The following CPNE4 variants were observed in gnomAD, a reference collection of about 807,000 sequenced individuals.
CPNE4 encodes copine-4.
Under a neutral mutation model 67.9 loss-of-function variants are expected in CPNE4, and 25 were observed. The observed-to-expected ratio is 0.37, with a 90% CI of 0.27 to 0.51. The LOEUF (loss-of-function observed/expected upper bound fraction) is 0.51. Among genes scored for constraint, CPNE4 ranks in the 20% least tolerant of loss-of-function variants. The pLI is 0.93. For synonymous variants in CPNE4, 242 were observed against 244.9 expected, an observed-to-expected ratio of 0.99 and a Z score of 0.11; for missense variants, 464 against 690.8, an observed-to-expected ratio of 0.67 and a Z score of 3.68.
At chr3:131,731,825 A>G (rs2082134997) in intron 2 of CPNE4, among the ~76,000 whole-genome samples, 1 of 152,192 alleles carries the variant, frequency 6.6e-6, no homozygotes, top group South Asian at 2.1e-4. Flanking sequence ...ATCTTGCTGT[A>G]GTTTAGTGAA....
chr3:131,932,796 T>C (rs768658123), intron 1 of CPNE4, among the ~76,000 whole-genome samples: 16 of 152,036 alleles, frequency 1.1e-4, no homozygotes, highest in African/African-American at 9.7e-5. Flanking sequence ...GGCAGGCAGA[T>C]CATCTGAGGT....
At chr3:131,799,490 T>C (rs1488885966) in intron 2 of CPNE4, among the ~76,000 whole-genome samples, 4 of 152,172 alleles carry the variant, frequency 2.6e-5, no homozygotes, top group Admixed American at 6.5e-5. Flanking sequence ...TTCTACCTAC[T>C]CTGGTGTTGT....
upstream of CPNE4, chr3:132,037,660 C>A: frequency 6.7e-7 from 1 of 1,498,168 alleles, no homozygotes; most frequent in Non-Finnish European, 9.0e-7. Flanking sequence ...CCCTGGTGTT[C>A]CCAAGTTGCA....
intron 2 of CPNE4, among the ~76,000 whole-genome samples, chr3:131,775,228 G>A (rs1156288908): frequency 6.6e-6 from 1 of 152,046 alleles, no homozygotes; most frequent in Non-Finnish European, 1.5e-5. Context: ...GAAGTGTCTG[G>A]GGCTATGAGG....
intron 2 of CPNE4, among the ~76,000 whole-genome samples, chr3:131,736,280 C>T (rs969533486): frequency 5.3e-5 from 8 of 152,164 alleles, no homozygotes; most frequent in African/African-American, 1.9e-4. Context: ...AAAAGACTTC[C>T]TCTTGAAACC....
chr3:131,595,576 T>C (rs963023285), intron 7 of CPNE4, among the ~76,000 whole-genome samples: 2 of 152,138 alleles, frequency 1.3e-5, no homozygotes, highest in Admixed American at 1.3e-4. Context: ...CTTGCAATCA[T>C]GGTGCAAGGT....
At chr3:131,886,065 A>T (rs1198919616) in intron 2 of CPNE4, among the ~76,000 whole-genome samples, 1 of 152,176 alleles carries the variant, frequency 6.6e-6, no homozygotes, top group Non-Finnish European at 1.5e-5. Flanking sequence ...TCTCCAGGAC[A>T]TGTCAGAGAT....
intron 1 of CPNE4, among the ~76,000 whole-genome samples, chr3:132,003,750 T>C (rs1160539908): frequency 6.6e-6 from 1 of 152,084 alleles, no homozygotes; most frequent in Non-Finnish European, 1.5e-5. Context: ...AGCTGATGTC[T>C]CTCTTCTCCA....
chr3:131,598,848 C>G (rs939863555), intron 7 of CPNE4, among the ~76,000 whole-genome samples: 5 of 103,926 alleles, frequency 4.8e-5, no homozygotes, highest in Admixed American at 1.6e-4. Context: ...ATTGTCCCCC[C>G]ACCCCCCCGC....
chr3:131,669,768 G>A lies in CPNE4; in HGVS notation c.592-4C>T, dbSNP rs375798019. On this transcript the variant is annotated splice_region_variant and splice_polypyrimidine_tract_variant and intron_variant, in intron 6 of 15. Transcript: ENST00000429747. ...GGCTTAAGTTATTCATCACAACCTG[G>A]GAAAAGAAAGAGAGGAGTGGTGAGT... is the stretch of plus-strand genomic sequence containing the variant. 1.2e-6 allele frequency: 2 copies of A among 1,609,582 alleles called. No individual in the cohort carries two copies. The highest frequency in any genetic ancestry group is 2.7e-5 in the African/African-American group (2 of 74,762).
chr3:131,877,512 G>T (rs1459808680), intron 2 of CPNE4, among the ~76,000 whole-genome samples: 1 of 152,066 alleles, frequency 6.6e-6, no homozygotes, highest in Admixed American at 6.6e-5. Context: ...GCGGGTACAG[G>T]GATGCAATGT....
At chr3:131,605,088 G>A (rs761601845) in intron 7 of CPNE4, among the ~76,000 whole-genome samples, 16 of 152,086 alleles carry the variant, frequency 1.1e-4, no homozygotes, top group Non-Finnish European at 1.9e-4. Flanking sequence ...GGAATGCTAG[G>A]TAACTTTATT....
chr3:131,668,232 T>A (rs2080311741), intron 7 of CPNE4, among the ~76,000 whole-genome samples: 1 of 152,208 alleles, frequency 6.6e-6, no homozygotes. Context: ...GAGCTTGAGA[T>A]TAACCAATCA....
chr3:131,551,352 T>C (rs35227210), intron 13 of CPNE4, among the ~76,000 whole-genome samples: 9,279 of 152,168 alleles, frequency 0.061, 392 homozygotes, highest in East Asian at 0.14. Context: ...TTATGTTTTT[T>C]TGGTTCTTGA....
chr3:132,014,664 G>A (rs2073851178), intron 1 of CPNE4, among the ~76,000 whole-genome samples: 1 of 151,956 alleles, frequency 6.6e-6, no homozygotes. Flanking sequence ...TCTAATTATA[G>A]TTTTAATTGC....
chr3:131,857,438 G>A (rs944376267), intron 2 of CPNE4, among the ~76,000 whole-genome samples: 3 of 151,930 alleles, frequency 2.0e-5, no homozygotes, highest in African/African-American at 7.2e-5. Context: ...TGGAGCCCTA[G>A]GGTTGGTAAA....
At chr3:131,630,718 A>G (rs2107776929) in intron 7 of CPNE4, among the ~76,000 whole-genome samples, 1 of 152,368 alleles carries the variant, frequency 6.6e-6, no homozygotes, top group African/African-American at 2.4e-5. Context: ...TATTTCCATC[A>G]CACAAAGTGT....
At chr3:131,893,645 G>C (rs1035414827) in intron 2 of CPNE4, among the ~76,000 whole-genome samples, 1 of 151,792 alleles carries the variant, frequency 6.6e-6, no homozygotes, top group Non-Finnish European at 1.5e-5. Flanking sequence ...TATAAAACTA[G>C]AAACCAACAA....
chr3:131,962,730 A>T (rs1047383587), intron 1 of CPNE4, among the ~76,000 whole-genome samples: 1 of 113,694 alleles, frequency 8.8e-6, no homozygotes. Flanking sequence ...CCCCAGAAAC[A>T]GTTAAAAAAA....
Sources: allele counts gnomAD v4.1 joint callset (sites outside exome capture counted in the v4.1 genomes callset), GRCh38; gene constraint gnomAD v4.1.1; transcripts MANE v1.5; gene names NCBI Gene and HGNC (gene_info 2026-07-23, HGNC 2026-07-21).